The following CACNG4 variants were observed in gnomAD, a reference collection of about 807,000 sequenced individuals.
CACNG4 encodes voltage-dependent calcium channel gamma-4 subunit.
CACNG4 carries 8 observed loss-of-function variants against 22.9 expected under a neutral mutation model. The observed-to-expected ratio is 0.35, with a 90% CI of 0.21 to 0.63. CACNG4 has a LOEUF of 0.63. Among genes scored for constraint, CACNG4 ranks in the 30% least tolerant of loss-of-function variants. The pLI, the probability that CACNG4 is intolerant of heterozygous loss-of-function variation, is 0.72. For missense variants in CACNG4, 357 were observed against 455.4 expected (o/e 0.78, Z 1.97); for synonymous variants, 188 against 191.9 (o/e 0.98, Z 0.17).
chr17:66,998,248 A>T (rs73339141), intron 1 of CACNG4, among the ~76,000 whole-genome samples: 15,890 of 152,034 alleles, frequency 0.1, 1,304 homozygotes, highest in East Asian at 0.23. Flanking sequence ...AAAGAGATGG[A>T]GTCTTGCTCT....
rs2035603725 is a variant in CACNG4 at position 67,031,181 on chromosome 17, CCG to C, written c.*178_*179del. 1 of 680,756 alleles carries C rather than the reference CCG, an allele frequency of 1.5e-6. No individual in the cohort carries two copies. Among genetic ancestry groups the C allele is most frequent in the Non-Finnish European group, 2.5e-6 (1 of 400,208 alleles). 42.2% of individuals were successfully genotyped at this position (680,756 alleles called of 1,614,324 possible). A position where few individuals can be genotyped will look rare whatever the true frequency, so the allele number is the denominator to read the frequency against. On this transcript the variant is annotated 3_prime_UTR_variant, in exon 4 of 4. Transcript: ENST00000262138. This position sits in a 1 kb window ranked among gnomAD's most constrained non-coding sequence, Gnocchi z 4.0. ...CGAAGGTTGTGCTGGGAGACCGGAC[CCG>C]GGGCTGCAGAAGAAGCTGAAGGCTG...
intron 1 of CACNG4, among the ~76,000 whole-genome samples, chr17:67,015,095 C>T (rs1189171039): frequency 8.5e-5 from 13 of 152,136 alleles, no homozygotes; most frequent in Admixed American, 3.3e-4. Flanking sequence ...CCTTCTCCAC[C>T]GCCTCGTTAG....
chr17:67,021,554 A>C (rs1168032333), intron 2 of CACNG4: 2 of 152,212 alleles, frequency 1.3e-5, no homozygotes, highest in African/African-American at 2.4e-5. Flanking sequence ...AGCTCTTACG[A>C]TGTCACTGCT....
intron 1 of CACNG4, among the ~76,000 whole-genome samples, chr17:66,967,736 G>T (rs1181208616): frequency 6.6e-6 from 1 of 152,196 alleles, no homozygotes; most frequent in African/African-American, 2.4e-5. Flanking sequence ...GCAGCAGGCA[G>T]CTAATAAGAC....
intron 1 of CACNG4, among the ~76,000 whole-genome samples, chr17:66,988,992 T>TGGA (rs2035321827): frequency 7.4e-6 from 1 of 134,396 alleles, no homozygotes; most frequent in South Asian, 2.3e-4. Context: ...ATCCAGTAGG[T>TGGA]GGAGGTTGCA....
chr17:66,988,544 A>C (rs2035318993), intron 1 of CACNG4, among the ~76,000 whole-genome samples: 2 of 151,390 alleles, frequency 1.3e-5, no homozygotes, highest in East Asian at 1.9e-4. Flanking sequence ...CATCCCCATC[A>C]CTTGCCCCCT....
chr17:67,017,798 G>A (rs1450096485), intron 1 of CACNG4, among the ~76,000 whole-genome samples: 1 of 152,104 alleles, frequency 6.6e-6, no homozygotes, highest in Non-Finnish European at 1.5e-5. Flanking sequence ...TTACAGGCAT[G>A]AGCCACCGTG....
Position 67,031,107 on chromosome 17 carries a change from C to A in CACNG4, c.*103C>A. The A allele has an allele frequency of 1.6e-6, 2 of 1,287,520 alleles. No individual in the cohort carries two copies. The highest frequency in any genetic ancestry group is 2.2e-6 in the Non-Finnish European group (2 of 927,936). 79.8% of individuals were successfully genotyped at this position (1,287,520 alleles called of 1,614,324 possible). The stretch of plus-strand genomic sequence containing the variant: ...AAGACGACGAACAATGAACTAAAGC[C>A]AAATGCAGCCCTCCCTGGCCTCCAG... On this transcript the variant is annotated 3_prime_UTR_variant, in exon 4 of 4. Transcript: ENST00000262138. The surrounding 1 kb of genome is among the most constrained non-coding windows in gnomAD (Gnocchi z 4.0).
At chr17:67,015,202 GC>G (rs2035489991) in intron 1 of CACNG4, among the ~76,000 whole-genome samples, 1 of 152,200 alleles carries the variant, frequency 6.6e-6, no homozygotes, top group Non-Finnish European at 1.5e-5. Context: ...ATAACACGGA[GC>G]AAACTACCGA....
chr17:66,977,941 C>T (rs1388348932), intron 1 of CACNG4, among the ~76,000 whole-genome samples: 3 of 152,190 alleles, frequency 2.0e-5, no homozygotes, highest in Admixed American at 6.5e-5. Context: ...CAACAGAACA[C>T]GTCCTAGACG....
chr17:66,966,129 G>A (rs1470044383), intron 1 of CACNG4, among the ~76,000 whole-genome samples: 1 of 152,220 alleles, frequency 6.6e-6, no homozygotes, highest in African/African-American at 2.4e-5. Flanking sequence ...CTCCCTACTG[G>A]GGAGGGGCCT....
intron 1 of CACNG4, among the ~76,000 whole-genome samples, chr17:66,982,170 G>C (rs562340816): frequency 6.6e-6 from 1 of 152,352 alleles, no homozygotes; most frequent in African/African-American, 2.4e-5. Context: ...GCTTCCACGA[G>C]TGGGAGGAGA....
intron 1 of CACNG4, among the ~76,000 whole-genome samples, chr17:66,988,568 C>G (rs2143302903): frequency 6.6e-6 from 1 of 152,296 alleles, no homozygotes; most frequent in African/African-American, 2.4e-5. Flanking sequence ...CTCGCCTCAC[C>G]TCAGTAATGC....
At chr17:67,007,148 C>T (rs2035442592) in intron 1 of CACNG4, among the ~76,000 whole-genome samples, 2 of 151,812 alleles carry the variant, frequency 1.3e-5, no homozygotes, top group Admixed American at 1.3e-4. Context: ...GCACTCTAGC[C>T]TGGGTGACAG....
intron 1 of CACNG4, among the ~76,000 whole-genome samples, chr17:67,010,290 ATCAGCCAATACCC>A (rs1404975881): frequency 2.0e-5 from 3 of 152,212 alleles, no homozygotes; most frequent in African/African-American, 7.2e-5. Context: ...AGCCTGAAGC[ATCAGCCAATACCC>A]TCAGCCCCAG....
chr17:66,977,158 G>C (rs2035242895), intron 1 of CACNG4, among the ~76,000 whole-genome samples: 1 of 152,078 alleles, frequency 6.6e-6, no homozygotes. Context: ...AGTCCTGACT[G>C]GTCACTCTCC....
chr17:66,996,680 C>T (rs1291429319), intron 1 of CACNG4, among the ~76,000 whole-genome samples: 47 of 152,152 alleles, frequency 3.1e-4, no homozygotes, highest in Admixed American at 3.1e-3. Flanking sequence ...CGTGCCCAGC[C>T]CATTAGTGCA....
At chr17:67,006,221 C>T (rs1318677781) in intron 1 of CACNG4, among the ~76,000 whole-genome samples, 3 of 152,190 alleles carry the variant, frequency 2.0e-5, no homozygotes, top group Non-Finnish European at 4.4e-5. Context: ...CCAAGGGCCC[C>T]AGGGTGGGAT....
chr17:67,012,113 C>T (rs773364356), intron 1 of CACNG4, among the ~76,000 whole-genome samples: 4 of 152,142 alleles, frequency 2.6e-5, no homozygotes, highest in Non-Finnish European at 5.9e-5. Context: ...TGCATTGGGG[C>T]GGTGTGGGAG....
Sources: allele counts gnomAD v4.1 joint callset (sites outside exome capture counted in the v4.1 genomes callset), GRCh38; gene constraint gnomAD v4.1.1; non-coding constraint Gnocchi (gnomAD v3.1); transcripts MANE v1.5; gene names NCBI Gene and HGNC (gene_info 2026-07-23, HGNC 2026-07-21).